BRI3BP: variants seen among roughly 807,000 people sequenced by gnomAD.
BRI3BP encodes the protein BRI3-binding protein.
BRI3BP carries 7 observed loss-of-function variants against 15.8 expected under a neutral mutation model. The ratio of observed to expected loss-of-function variants is 0.44; its 90% CI spans 0.25 to 0.83. The LOEUF is 0.83. Ranked by LOEUF, BRI3BP falls within the 40% of genes least tolerant of loss-of-function variation. The probability of loss-of-function intolerance (pLI) is 0.20; values close to 1 mark genes in which losing one functional copy is unlikely to be tolerated. For missense variants in BRI3BP, 320 were observed against 339.3 expected (o/e 0.94, Z 0.45); for synonymous variants, 192 against 163.5 (o/e 1.17, Z -1.33).
intron 1 of BRI3BP, among the ~76,000 whole-genome samples, chr12:125,000,286 A>G (rs1307470339): frequency 6.7e-6 from 1 of 148,586 alleles, no homozygotes; most frequent in Non-Finnish European, 1.5e-5. Context: ...AAATTACCAC[A>G]GTTAAGATAA....
At chr12:125,020,583 T>C (rs1231720792) in intron 2 of BRI3BP, among the ~76,000 whole-genome samples, 2 of 152,222 alleles carry the variant, frequency 1.3e-5, no homozygotes, top group Non-Finnish European at 2.9e-5. Context: ...ATGATAGCAA[T>C]GTTTTTAAAT....
downstream of BRI3BP, among the ~76,000 whole-genome samples, chr12:125,033,016 T>C (rs1955418001): frequency 6.6e-6 from 1 of 152,078 alleles, no homozygotes; most frequent in Admixed American, 6.6e-5. Context: ...TTCTGCCCGC[T>C]GCCAATCCCG....
chr12:125,005,615 C>T (rs1317659561), intron 1 of BRI3BP, among the ~76,000 whole-genome samples: 1 of 151,928 alleles, frequency 6.6e-6, no homozygotes, highest in Non-Finnish European at 1.5e-5. Flanking sequence ...ACTAAAAATA[C>T]AAAAAATTAG....
chr12:125,015,611 T>C (rs7306079), intron 2 of BRI3BP, among the ~76,000 whole-genome samples: 44,974 of 151,954 alleles, frequency 0.3, 7,002 homozygotes, highest in South Asian at 0.45. Flanking sequence ...CAGCGCCCAT[T>C]GGTGCTTGAC....
intron 2 of BRI3BP, among the ~76,000 whole-genome samples, chr12:125,012,983 C>A (rs11057986): frequency 0.14 from 20,770 of 152,112 alleles, 1,518 homozygotes; most frequent in Admixed American, 0.16. Flanking sequence ...ACTTGGGAGG[C>A]TGAGGCAGGA....
At chr12:125,033,540 C>G (rs1955421003), downstream of BRI3BP, among the ~76,000 whole-genome samples, 1 of 152,076 alleles carries the variant, frequency 6.6e-6, no homozygotes, top group Non-Finnish European at 1.5e-5. Flanking sequence ...GCGCATTCCC[C>G]TTTAAATATT....
chr12:125,035,131 A>C (rs7973861), downstream of BRI3BP, among the ~76,000 whole-genome samples: 27,851 of 152,178 alleles, frequency 0.18, 2,734 homozygotes, highest in Middle Eastern at 0.3. Context: ...GGCTATTACA[A>C]ATAAAGCGAC....
intron 1 of BRI3BP, among the ~76,000 whole-genome samples, chr12:125,010,700 T>G (rs1392650010): frequency 2.6e-5 from 4 of 152,120 alleles, no homozygotes; most frequent in African/African-American, 4.8e-5. Context: ...CACTTGAACC[T>G]GGGAGGAGGA....
intron 2 of BRI3BP, among the ~76,000 whole-genome samples, chr12:125,017,936 T>G (rs1391748734): frequency 2.0e-5 from 3 of 152,130 alleles, no homozygotes; most frequent in African/African-American, 7.2e-5. Flanking sequence ...AAGGAGTCCT[T>G]GTGTGGAAAA....
chr12:125,014,672 G>A (rs545894191), intron 2 of BRI3BP, among the ~76,000 whole-genome samples: 1 of 152,324 alleles, frequency 6.6e-6, no homozygotes, highest in African/African-American at 2.4e-5. Flanking sequence ...CAGAGGGAAC[G>A]CAGGTGTTGT....
At chr12:125,042,992 A>G in the BRI3BP span, among the ~76,000 whole-genome samples, 1 of 152,060 alleles carries the variant, frequency 6.6e-6, no homozygotes, top group Non-Finnish European at 1.5e-5. Flanking sequence ...TAATGCAGAA[A>G]ATTTGAAATC....
chr12:125,025,208 G>C lies in BRI3BP; in HGVS notation c.534G>C (p.Glu178Asp), dbSNP rs1275624947. The C allele has an allele frequency of 6.2e-7, 1 of 1,613,992 alleles. No homozygotes were observed. Among genetic ancestry groups the C allele is most frequent in the Non-Finnish European group, 8.5e-7 (1 of 1,180,046 alleles). The change falls in exon 3 of 3, where the codon GAG becomes GAC. Residue 178 changes from glutamate to aspartate, a missense_variant. Coordinates refer to ENST00000341446, the MANE Select transcript of BRI3BP (RefSeq NM_080626.6). ...MSCVYILHKYEGEPENAVLPL... is the reference protein window; with the variant it reads ...MSCVYILHKYDGEPENAVLPL... ...GCGTGTACATCCTGCACAAGTACGAGGGCGAGCCGGAGAACGCGGTGCTGC... is the reference window on the plus strand; with the variant it reads ...GCGTGTACATCCTGCACAAGTACGACGGCGAGCCGGAGAACGCGGTGCTGC...
downstream of BRI3BP, among the ~76,000 whole-genome samples, chr12:125,031,515 T>C (rs1955405285): frequency 6.6e-6 from 1 of 150,586 alleles, no homozygotes; most frequent in Non-Finnish European, 1.5e-5. Flanking sequence ...TGCGTGCCTC[T>C]CCACCCCACC....
Position 125,028,559 on chromosome 12 carries a change from C to T in BRI3BP, c.*3129C>T, listed in dbSNP as rs1017878181. The stretch of plus-strand genomic sequence containing the variant: ...AGCCAGTTTTATAGCTTGATACATT[C>T]TGGTGAAAGATGTCTTCATTTTTAA... On this transcript the variant is annotated 3_prime_UTR_variant, in exon 3 of 3. Transcript: ENST00000341446. 2 of 152,074 alleles carry T rather than the reference C, an allele frequency of 1.3e-5. No individual in the cohort carries two copies. The highest frequency in any genetic ancestry group is 2.4e-5 in the African/African-American group (1 of 41,420). The allele number at this position is 152,074 out of a possible 1,614,324, so 9.4% of individuals were successfully genotyped here. A position where few individuals can be genotyped will look rare whatever the true frequency, so the allele number is the denominator to read the frequency against.
chr12:125,023,038 A>T (rs955933037), intron 2 of BRI3BP, among the ~76,000 whole-genome samples: 1 of 152,094 alleles, frequency 6.6e-6, no homozygotes, highest in South Asian at 2.1e-4. Flanking sequence ...TTTTTGTTTG[A>T]ATTTCTTCAA....
chr12:125,041,760 G>A, the BRI3BP span, among the ~76,000 whole-genome samples: 1 of 152,338 alleles, frequency 6.6e-6, no homozygotes, highest in Non-Finnish European at 1.5e-5. Context: ...GCAGTGGCAT[G>A]ATCATGGCTC....
rs534174161 is a variant in BRI3BP at position 125,030,560 on chromosome 12, C to T, written c.*5130C>T. On this transcript the variant is annotated 3_prime_UTR_variant, in exon 3 of 3. Transcript: ENST00000341446. ...GAGGTGCACCAGTACCAGTTTTTCTCTTGTGGTGGCTTAAAACGCTGATTG... is the reference window on the plus strand; with the variant it reads ...GAGGTGCACCAGTACCAGTTTTTCTTTTGTGGTGGCTTAAAACGCTGATTG... The T allele has an allele frequency of 7.2e-5, 11 of 152,302 alleles. No individual in the cohort carries two copies. Among genetic ancestry groups the T allele is most frequent in the African/African-American group, 2.6e-4 (11 of 41,564 alleles). The allele number at this position is 152,302 out of a possible 1,614,324, so 9.4% of individuals were successfully genotyped here.
intron 1 of BRI3BP, among the ~76,000 whole-genome samples, chr12:124,999,796 G>C (rs12820308): frequency 1.1e-5 from 1 of 89,866 alleles, no homozygotes; most frequent in South Asian, 3.6e-4. Flanking sequence ...TTTTTTGTGT[G>C]TTTTTAGTAG....
chr12:125,002,209 T>G (rs1250246511), intron 1 of BRI3BP, among the ~76,000 whole-genome samples: 1 of 152,184 alleles, frequency 6.6e-6, no homozygotes, highest in African/African-American at 2.4e-5. Flanking sequence ...GTTTCCAGTA[T>G]TTTGCGGTGC....
Sources: gnomAD v4.1 joint callset for allele counts (sites outside exome capture counted in the v4.1 genomes callset) on GRCh38, gnomAD v4.1.1 for gene constraint, MANE v1.5 for transcripts, NCBI Gene and HGNC (gene_info 2026-07-23, HGNC 2026-07-21) for gene names.